APC: variants seen among roughly 807,000 people sequenced by gnomAD.
APC encodes adenomatous polyposis coli protein.
APC carries 72 observed loss-of-function variants against 247.0 expected under a neutral mutation model. The ratio of observed to expected loss-of-function variants is 0.29; its 90% CI spans 0.24 to 0.35. The LOEUF is 0.35. APC is among the 10% of genes least tolerant of loss of function. The probability of loss-of-function intolerance (pLI) is 1.00; values close to 1 mark genes in which losing one functional copy is unlikely to be tolerated. For synonymous variants in APC, 1,254 were observed against 1,162.5 expected, an observed-to-expected ratio of 1.08 and a Z score of -1.60; for missense variants, 3,400 against 3,360.7, an observed-to-expected ratio of 1.01 and a Z score of -0.29.
intron 1 of APC, among the ~76,000 whole-genome samples, chr5:112,711,377 A>G (rs924835049): frequency 2.0e-5 from 3 of 152,176 alleles, no homozygotes; most frequent in Non-Finnish European, 4.4e-5. Context: ...CCACAAAACC[A>G]TTCCCTGGTG....
At position 112,819,324 on chromosome 5, in the gene APC, T is replaced by C. The variant is rs1034113927; in HGVS notation, c.1292T>C (p.Met431Thr). The C allele has an allele frequency of 4.3e-6, 7 of 1,614,080 alleles. No individual in the cohort carries two copies. Among genetic ancestry groups the C allele is most frequent in the East Asian group, 4.5e-5 (2 of 44,870 alleles). ...TGGCAGGAAGCTCATGAACCAGGCA[T>C]GGACCAGGACAAAAATCCAAGTATG... is the stretch of plus-strand genomic sequence containing the variant. ...WEWQEAHEPG[M>T]DQDKNPMPAP... Residue 431 changes from methionine (M) to threonine (T), a missense_variant, in exon 10 of 16, where the codon ATG (methionine) becomes ACG (threonine). Met to Thr is a moderately conservative substitution (Grantham distance 81). Transcript: ENST00000257430.
chr5:112,739,269 A>G (rs1432895892), intron 1 of APC, among the ~76,000 whole-genome samples: 2 of 152,136 alleles, frequency 1.3e-5, no homozygotes, highest in African/African-American at 2.4e-5. Flanking sequence ...GTAAAAGCCT[A>G]TCTTTATGCA....
At chr5:112,783,881 A>G (rs778402276) in intron 6 of APC, 4 of 300,778 alleles carry the variant, frequency 1.3e-5, no homozygotes, top group Non-Finnish European at 1.9e-5. Flanking sequence ...ATTAAGTTCA[A>G]GTGTCTAATA....
chr5:112,717,997 C>G (rs1358355042), intron 1 of APC, among the ~76,000 whole-genome samples: 1 of 117,212 alleles, frequency 8.5e-6, no homozygotes, highest in Non-Finnish European at 1.7e-5. Flanking sequence ...CTTCAAAGTT[C>G]ACATTTTTTT....
rs1580624277 is a variant in APC at position 112,838,170 on chromosome 5, G to C, written c.2576G>C (p.Gly859Ala). ...AGTTTGGAGAGAGAACGCGGAATTG[G>C]TCTAGGCAACTACCATCCAGCAACA... ...DRSLERERGI[G>A]LGNYHPATEN... is the part of the protein sequence containing the mutation. The change falls in exon 16 of 16, where the codon GGT (glycine) becomes GCT (alanine). Residue 859 changes from glycine to alanine, a missense_variant. Coordinates refer to ENST00000257430, the MANE Select transcript of APC (RefSeq NM_000038.6). The C allele has an allele frequency of 6.2e-7, 1 of 1,614,178 alleles. No individual in the cohort carries two copies. The highest frequency in any genetic ancestry group is 8.5e-7 in the Non-Finnish European group (1 of 1,180,022).
intron 10 of APC, among the ~76,000 whole-genome samples, chr5:112,821,548 C>A (rs1007178786): frequency 1.3e-5 from 2 of 151,216 alleles, no homozygotes; most frequent in Admixed American, 6.6e-5. Flanking sequence ...AAATTATAAA[C>A]AAAATTAAAC....
At chr5:112,784,640 C>T (rs1398841134) in intron 6 of APC, among the ~76,000 whole-genome samples, 1 of 152,088 alleles carries the variant, frequency 6.6e-6, no homozygotes, top group African/African-American at 2.4e-5. Context: ...TCCTAACTCC[C>T]TGCTTGGGTG....
At chr5:112,739,152 A>G (rs1752681882) in intron 1 of APC, among the ~76,000 whole-genome samples, 1 of 152,256 alleles carries the variant, frequency 6.6e-6, no homozygotes, top group Non-Finnish European at 1.5e-5. Flanking sequence ...TTTAAATTAA[A>G]GCAACATGGC....
intron 1 of APC, among the ~76,000 whole-genome samples, chr5:112,714,923 G>C (rs1751071586): frequency 6.6e-6 from 1 of 152,166 alleles, no homozygotes; most frequent in Admixed American, 6.5e-5. Context: ...GAATGATTTT[G>C]TGCTTACTAC....
At chr5:112,794,510 A>G (rs769651813) in intron 7 of APC, among the ~76,000 whole-genome samples, 1 of 152,164 alleles carries the variant, frequency 6.6e-6, no homozygotes, top group Non-Finnish European at 1.5e-5. Context: ...CTCCACAAGT[A>G]AAAGACAAAG....
chr5:112,788,189 C>G (rs1695314825), intron 6 of APC, among the ~76,000 whole-genome samples: 2 of 152,108 alleles, frequency 1.3e-5, no homozygotes. Context: ...TTTTTATTTG[C>G]TGCAGTTTTA....
upstream of APC, among the ~76,000 whole-genome samples, chr5:112,734,829 C>A (rs1752289782): frequency 6.9e-6 from 1 of 145,734 alleles, no homozygotes; most frequent in Non-Finnish European, 1.5e-5. Context: ...CTTGCTTTGT[C>A]ACTGAGGCTG....
At position 112,717,425 on chromosome 5, in the gene APC, T is replaced by A. The variant is rs1056115224; in HGVS notation, c.165+9543T>A. On this transcript the variant is annotated intron_variant, in intron 1 of 13. Coordinates refer to the APC transcript ENST00000507379. ...GCATGTCTTTACCATCTTTTTACTT[T>A]TCGTATGATCTTGCACTTAAGATTG... Among the ~76,000 whole-genome samples, 3 of 152,232 alleles carry A rather than the reference T, an allele frequency of 2.0e-5. 1 individual carries two copies. Among genetic ancestry groups the A allele is most frequent in the Admixed American group, 1.3e-4 (2 of 15,290 alleles).
chr5:112,822,999 A>G (rs750823972), intron 11 of APC, among the ~76,000 whole-genome samples: 3 of 152,116 alleles, frequency 2.0e-5, no homozygotes, highest in Non-Finnish European at 2.9e-5. Flanking sequence ...TGGTGTAGCA[A>G]TTGGCCTACC....
intron 1 of APC, among the ~76,000 whole-genome samples, chr5:112,728,015 C>T (rs1163197953): frequency 1.3e-5 from 2 of 151,470 alleles, no homozygotes; most frequent in East Asian, 3.9e-4. Context: ...ATGTCCAACC[C>T]ACAGCTTTGA....
chr5:112,843,962 C>T lies in APC; in HGVS notation c.8368C>T (p.Pro2790Ser), dbSNP rs1580692838. ...RVTPFNYNPS[P>S]RKSSADSTSA... is the part of the protein sequence containing the mutation. ...GACTCCTTTTAATTACAACCCAAGC[C>T]CTAGGAAAAGCAGCGCAGATAGCAC... Residue 2790 changes from proline to serine, a missense_variant, in exon 16 of 16, where the codon CCT becomes TCT. Coordinates refer to ENST00000257430, the MANE Select transcript of APC (RefSeq NM_000038.6). This position sits in a 1 kb window ranked among gnomAD's most constrained non-coding sequence, Gnocchi z 4.8. 6.2e-7 allele frequency: 1 copy of T among 1,606,166 alleles called. No individual in the cohort carries two copies. The highest frequency in any genetic ancestry group is 8.5e-7 in the Non-Finnish European group (1 of 1,175,916).
chr5:112,799,173 G>C (rs1230306617), intron 7 of APC, among the ~76,000 whole-genome samples: 2 of 113,800 alleles, frequency 1.8e-5, no homozygotes, highest in Admixed American at 1.2e-4. Flanking sequence ...GACAGGGCGA[G>C]ACTCTGTCTC....
At chr5:112,723,321 G>T (rs1751588334) in intron 1 of APC, among the ~76,000 whole-genome samples, 1 of 152,104 alleles carries the variant, frequency 6.6e-6, no homozygotes, top group Non-Finnish European at 1.5e-5. Flanking sequence ...AATTAGTTGG[G>T]CATGGTGGTG....
chr5:112,838,773 TAAAAC>T lies in APC; in HGVS notation c.3183_3187del (p.Gln1062Ter), dbSNP rs587779352. On this transcript the variant is annotated frameshift_variant, in exon 16 of 16. Coordinates refer to ENST00000257430, the MANE Select transcript of APC (RefSeq NM_000038.6). LOFTEE classifies it high-confidence loss of function. ...CCCAAACACATAATAGAAGATGAAA[TAAAAC>T]AAAGTGAGCAAAGACAATCAAGGAA... 4 of 1,613,946 alleles carry T rather than the reference TAAAAC, an allele frequency of 2.5e-6. No individual in the cohort carries two copies. Among genetic ancestry groups the T allele is most frequent in the Non-Finnish European group, 3.4e-6 (4 of 1,179,958 alleles).
Sources: gnomAD v4.1 joint callset for allele counts (sites outside exome capture counted in the v4.1 genomes callset) on GRCh38, gnomAD v4.1.1 for gene constraint, Gnocchi (gnomAD v3.1) non-coding constraint, MANE v1.5 for transcripts, NCBI Gene and HGNC (gene_info 2026-07-23, HGNC 2026-07-21) for gene names.